Variants in TRPM7 observed in about 807,000 individuals in gnomAD.
The protein encoded by TRPM7 is LTRPC ion channel family member 7.
A neutral mutation model predicts 229.7 loss-of-function variants in TRPM7; 134 were observed. The ratio of observed to expected loss-of-function variants is 0.58; its 90% confidence interval spans 0.51 to 0.67. The LOEUF is 0.67. Ranked by LOEUF, TRPM7 falls within the 30% of genes least tolerant of loss-of-function variation. TRPM7 has a pLI of 0.00. For synonymous variants in TRPM7, 699 were observed against 715.2 expected (o/e 0.98, Z 0.36); for missense variants, 1,901 against 2,210.0 (o/e 0.86, Z 2.80).
Position 50,647,678 on chromosome 15 carries a change from G to A in TRPM7, c.321+1009C>T, listed in dbSNP as rs545498177. ...GAGAACTGCTTGAACCCAGGAGGCC[G>A]GAGGTTGCAGTGAGCCGAGATTGCG... On this transcript the variant is annotated intron_variant, in intron 4 of 38. Transcript: ENST00000646667. Among the ~76,000 whole-genome samples, 73 of 152,126 alleles carry A rather than the reference G, an allele frequency of 4.8e-4. 1 individual carries two copies. Among genetic ancestry groups the A allele is most frequent in the African/African-American group, 1.3e-3 (56 of 41,544 alleles).
chr15:50,569,752 T>C (rs2053779875), intron 38 of TRPM7, 135 bp downstream of exon 38: 2 of 493,778 alleles, frequency 4.1e-6, no homozygotes, highest in Non-Finnish European at 7.2e-6. Context: ...ACAATATGTA[T>C]TTGCAAAAGA....
intron 3 of TRPM7, among the ~76,000 whole-genome samples, chr15:50,649,810 T>C (rs1264111121): frequency 1.3e-5 from 2 of 152,082 alleles, no homozygotes; most frequent in South Asian, 2.1e-4. Context: ...CCAAGGCAGC[T>C]AGAGTTTGTG....
intron 20 of TRPM7, among the ~76,000 whole-genome samples, chr15:50,605,989 T>G (rs538379988): frequency 3.9e-5 from 6 of 152,242 alleles, no homozygotes; most frequent in Admixed American, 1.3e-4. Flanking sequence ...GAGAGAGAAG[T>G]ACAACACCTT....
At position 50,686,775 on chromosome 15, in the gene TRPM7, C is replaced by T. The variant is rs1274569667; in HGVS notation, c.-242G>A. The T allele has an allele frequency of 2.2e-6, 1 of 453,110 alleles. No homozygotes were observed. The highest frequency in any genetic ancestry group is 3.8e-6 in the Non-Finnish European group (1 of 262,730). The allele number at this position is 453,110 out of a possible 1,614,324, so 28.1% of individuals were successfully genotyped here. A position where few individuals can be genotyped will look rare whatever the true frequency, so the allele number is the denominator to read the frequency against. On this transcript the variant is annotated 5_prime_UTR_variant, in exon 1 of 39. Transcript: ENST00000646667. ...CACAGGGACGCGCCCGCGCCCGCCT[C>T]CGCCGGCGACGGGGCTGGGGACGGA...
intron 5 of TRPM7, 93 bp from the exon 6 acceptor site, chr15:50,639,641 A>G: frequency 8.5e-7 from 1 of 1,170,552 alleles, no homozygotes; most frequent in Non-Finnish European, 1.2e-6. Flanking sequence ...ATGACAGCTC[A>G]CTGCAGCCTC....
In TRPM7 at chr15:50,592,356, A is replaced by T. The variant is rs549589731; in HGVS notation, c.3879T>A (p.Gly1293=). The T allele has an allele frequency of 6.2e-7, 1 of 1,614,174 alleles. No homozygotes were observed. The highest frequency in any genetic ancestry group is 1.1e-5 in the South Asian group (1 of 91,086). Residue 1293 remains glycine, a synonymous_variant, in exon 26 of 39, where the codon GGT becomes GGA. Transcript: ENST00000646667. ...GAGAGGAGCTAAGTGTATTTACAAC[A>T]CCATGCTTTTTCCATACAGAAGGTC... ...PVRPSVWKKH[G]VVNTLSSSLP...
intron 12 of TRPM7, among the ~76,000 whole-genome samples, chr15:50,622,676 G>C (rs957276861): frequency 7.9e-5 from 12 of 151,946 alleles, no homozygotes; most frequent in Non-Finnish European, 1.6e-4. Context: ...ATCTGAAGTC[G>C]GGAGTTCAAG....
intron 6 of TRPM7, among the ~76,000 whole-genome samples, chr15:50,638,993 A>T (rs911247822): frequency 2.0e-4 from 30 of 152,136 alleles, no homozygotes; most frequent in African/African-American, 7.0e-4. Flanking sequence ...AATTCTTTTT[A>T]ACAGTGTTGA....
At chr15:50,578,311 A>T (rs1173037760) in intron 31 of TRPM7, among the ~76,000 whole-genome samples, 1 of 152,240 alleles carries the variant, frequency 6.6e-6, no homozygotes, top group African/African-American at 2.4e-5. Context: ...TTGTGAGTAC[A>T]AAGTCAAGGT....
In TRPM7 at chr15:50,639,527, T is replaced by A; in HGVS notation, c.557A>T (p.Asp186Val). The change falls in exon 6 of 39, where the codon GAT (aspartate) becomes GTT (valine). Residue 186 changes from aspartate to valine, a missense_variant. Transcript: ENST00000646667. ...TCTGGAAGCATGTTCTTTGAGGGCA[T>A]CTCCAACATGTTTTGCCACACCTGT... Reference protein sequence around the residue: ...VNTGVAKHVGDALKEHASRSS... With the variant: ...VNTGVAKHVGVALKEHASRSS... 1 of 1,610,674 alleles carries A rather than the reference T, an allele frequency of 6.2e-7. No homozygotes were observed. Among genetic ancestry groups the A allele is most frequent in the South Asian group, 1.1e-5 (1 of 90,606 alleles).
intron 16 of TRPM7, 65 bp downstream of exon 16, chr15:50,612,484 C>A (rs1287329035): frequency 5.5e-6 from 8 of 1,453,906 alleles, no homozygotes; most frequent in East Asian, 4.6e-5. Flanking sequence ...GGCACTGTAA[C>A]AGCCACTCAA....
intron 21 of TRPM7, among the ~76,000 whole-genome samples, chr15:50,602,785 G>A (rs541040496): frequency 1.3e-5 from 2 of 152,150 alleles, no homozygotes; most frequent in African/African-American, 2.4e-5. Context: ...AACTTCCAAA[G>A]GGGATGTAAA....
chr15:50,610,392 A>C (rs544456268), intron 17 of TRPM7, among the ~76,000 whole-genome samples: 2 of 152,124 alleles, frequency 1.3e-5, no homozygotes, highest in Non-Finnish European at 2.9e-5. Flanking sequence ...GTGCCTCTAT[A>C]AACAAAAAGG....
rs973193935 is a variant in TRPM7 at position 50,560,711 on chromosome 15, C to A, written c.*967G>T. 1.3e-5 allele frequency: 2 copies of A among 152,468 alleles called. No individual in the cohort carries two copies. The highest frequency in any genetic ancestry group is 2.9e-5 in the Non-Finnish European group (2 of 68,006). 9.4% of individuals were successfully genotyped at this position (152,468 alleles called of 1,614,324 possible). On this transcript the variant is annotated 3_prime_UTR_variant, in exon 39 of 39. Transcript: ENST00000646667. Reference sequence around the variant, plus strand: ...TCCAACTGAATTAATTTCTTAAGTACCACAAACAGCATTCATGTTCAAATG... The same window carrying A: ...TCCAACTGAATTAATTTCTTAAGTAACACAAACAGCATTCATGTTCAAATG...
At chr15:50,623,492 C>CA (rs2060475765) in intron 12 of TRPM7, among the ~76,000 whole-genome samples, 1 of 68,294 alleles carries the variant, frequency 1.5e-5, no homozygotes, top group Non-Finnish European at 4.2e-5. Context: ...GCCCCGCCCC[C>CA]TCCCCGCCCC....
chr15:50,628,893 T>C (rs1274987408), intron 10 of TRPM7, among the ~76,000 whole-genome samples: 1 of 152,216 alleles, frequency 6.6e-6, no homozygotes, highest in African/African-American at 2.4e-5. Context: ...GCATATACTT[T>C]CCATTTTTTA....
chr15:50,632,200 G>A (rs1460554139), intron 9 of TRPM7, among the ~76,000 whole-genome samples: 1 of 152,004 alleles, frequency 6.6e-6, no homozygotes, highest in Non-Finnish European at 1.5e-5. Flanking sequence ...GGCTGAGGTG[G>A]GAGAATCGCT....
intron 1 of TRPM7, 43 bp from the exon 2 acceptor site, chr15:50,663,089 C>T (rs373198192): frequency 1.4e-5 from 20 of 1,437,372 alleles, no homozygotes; most frequent in Non-Finnish European, 1.8e-5. Context: ...AGTTAACCCA[C>T]TAAATAAGAA....
chr15:50,616,841 T>C (rs2060235317), intron 13 of TRPM7, among the ~76,000 whole-genome samples: 1 of 152,026 alleles, frequency 6.6e-6, no homozygotes, highest in African/African-American at 2.4e-5. Context: ...CCACCACACC[T>C]GGCAAATTTT....
Sources: gnomAD v4.1 joint callset for allele counts (sites outside exome capture counted in the v4.1 genomes callset) on GRCh38, gnomAD v4.1.1 for gene constraint, MANE v1.5 for transcripts, NCBI Gene and HGNC (gene_info 2026-07-23, HGNC 2026-07-21) for gene names.